The following GALNT6 variants were observed in gnomAD, a reference collection of about 807,000 sequenced individuals.
GALNT6 encodes GalNAc transferase 6.
A neutral mutation model predicts 65.9 loss-of-function variants in GALNT6; 51 were observed. That is an observed-to-expected ratio of 0.77 (90% CI 0.62 to 0.98). The LOEUF (loss-of-function observed/expected upper bound fraction) is 0.98, where lower values mean the gene tolerates loss of function less well. Ranked by LOEUF, GALNT6 falls within the 50% of genes least tolerant of loss-of-function variation. The probability of loss-of-function intolerance (pLI) is 0.00; values close to 1 mark genes in which losing one functional copy is unlikely to be tolerated. For synonymous variants in GALNT6, 323 were observed against 315.1 expected (o/e 1.02, Z -0.26); for missense variants, 708 against 803.3 (o/e 0.88, Z 1.43).
chr12:51,361,733 T>C (rs552309775), intron 6 of GALNT6, among the ~76,000 whole-genome samples: 1 of 152,202 alleles, frequency 6.6e-6, no homozygotes, highest in East Asian at 1.9e-4. Flanking sequence ...GATGGAATGC[T>C]GGGGTGGGGG....
chr12:51,372,125 A>G (rs1448949927), intron 4 of GALNT6, among the ~76,000 whole-genome samples: 2 of 152,200 alleles, frequency 1.3e-5, no homozygotes, highest in African/African-American at 4.8e-5. Flanking sequence ...GTGGTGCACT[A>G]TTCTAGGGAT....
chr12:51,377,378 G>A lies in GALNT6; in HGVS notation c.492-11C>T, dbSNP rs1456182148. ...TTCTGGTCCACACACCTGGAAGTAT[G>A]AAAGTACGGACAAAGTTCTCCTGGT... On this transcript the variant is annotated splice_polypyrimidine_tract_variant and intron_variant, in intron 3 of 11. Coordinates refer to ENST00000356317, the MANE Select transcript of GALNT6 (RefSeq NM_007210.4). 1.9e-6 allele frequency: 3 copies of A among 1,611,442 alleles called. No individual in the cohort carries two copies. The highest frequency in any genetic ancestry group is 2.7e-5 in the African/African-American group (2 of 74,856).
intron 4 of GALNT6, 99 bp from the exon 5 acceptor site, chr12:51,365,678 T>C: frequency 7.9e-7 from 1 of 1,261,470 alleles, no homozygotes; most frequent in Admixed American, 2.1e-5. Flanking sequence ...CTAGCAGGCC[T>C]GAATTTTAAA....
In GALNT6 at chr12:51,354,169, A is replaced by G. The variant is rs772848524; in HGVS notation, c.*210T>C. ...AGAACAGGAAAACGCTAGGCTAAAT[A>G]TATGTCCTAATGGTCTCTTCCATCG... On this transcript the variant is annotated 3_prime_UTR_variant, in exon 12 of 12. Transcript: ENST00000356317. 4 of 484,542 alleles carry G rather than the reference A, an allele frequency of 8.3e-6. No homozygotes were observed. Among genetic ancestry groups the G allele is most frequent in the East Asian group, 7.4e-5 (2 of 27,152 alleles). 30.0% of individuals were successfully genotyped at this position (484,542 alleles called of 1,614,324 possible).
chr12:51,380,772 CAG>C (rs2137761280), intron 2 of GALNT6, among the ~76,000 whole-genome samples: 1 of 152,170 alleles, frequency 6.6e-6, no homozygotes, highest in South Asian at 2.1e-4. Flanking sequence ...GCCTGGGCAA[CAG>C]AGCAAGACTC....
chr12:51,385,172 G>C lies in GALNT6; in HGVS notation c.-103-5288C>G, dbSNP rs77236704. The stretch of plus-strand genomic sequence containing the variant: ...ACCGGCTAATTTTTATTTTTTGGTA[G>C]AGATGGGGGTCTCACTATGCTGCCC... On this transcript the variant is annotated intron_variant, in intron 2 of 11. Transcript: ENST00000356317. 2.9e-3 allele frequency among the ~76,000 whole-genome samples: 435 copies of C among 152,184 alleles called. 3 individuals carry two copies. The highest frequency in any genetic ancestry group is 9.9e-3 in the African/African-American group (412 of 41,526).
At chr12:51,388,457 T>C (rs1036618612) in intron 2 of GALNT6, among the ~76,000 whole-genome samples, 2 of 152,204 alleles carry the variant, frequency 1.3e-5, no homozygotes, top group Admixed American at 1.3e-4. Context: ...CCTCAAAGCC[T>C]TTCCCTTATA....
chr12:51,375,055 T>C (rs1488073574), intron 4 of GALNT6, among the ~76,000 whole-genome samples: 1 of 152,078 alleles, frequency 6.6e-6, no homozygotes, highest in Non-Finnish European at 1.5e-5. Flanking sequence ...TTTTGTAATT[T>C]TTATAGAAAA....
chr12:51,357,269 C>T (rs1358668537), intron 10 of GALNT6, 80 bp downstream of exon 10: 10 of 907,650 alleles, frequency 1.1e-5, no homozygotes, highest in Non-Finnish European at 1.5e-5. Flanking sequence ...CCCTCCCAGT[C>T]CTCAGGAAAG....
At chr12:51,368,761 C>T (rs1947194140) in intron 4 of GALNT6, among the ~76,000 whole-genome samples, 1 of 151,934 alleles carries the variant, frequency 6.6e-6, no homozygotes, top group Non-Finnish European at 1.5e-5. Flanking sequence ...TATGACATGG[C>T]GCTCATTTAT....
chr12:51,365,725 G>T, intron 4 of GALNT6, 146 bp from the exon 5 acceptor site: 2 of 683,140 alleles, frequency 2.9e-6, no homozygotes, highest in Middle Eastern at 3.9e-4. Context: ...TTCCACAGAA[G>T]CCGGAGCTGG....
intron 4 of GALNT6, among the ~76,000 whole-genome samples, chr12:51,370,254 T>A (rs1231263650): frequency 6.6e-6 from 1 of 152,188 alleles, no homozygotes; most frequent in African/African-American, 2.4e-5. Context: ...CCTTAAAAAG[T>A]AAATTCTGGG....
At chr12:51,356,775 A>G (rs911774229) in intron 10 of GALNT6, among the ~76,000 whole-genome samples, 1 of 93,942 alleles carries the variant, frequency 1.1e-5, no homozygotes, top group African/African-American at 3.4e-5. Flanking sequence ...TTACTATTAA[A>G]ATAAAAAATG....
upstream of GALNT6, chr12:51,391,470 A>C (rs1948102345): frequency 1.3e-5 from 2 of 156,680 alleles, no homozygotes; most frequent in Non-Finnish European, 2.8e-5. Flanking sequence ...GGAAGAGGCG[A>C]AGGCTGGCGG....
chr12:51,369,637 T>G (rs1468345027), intron 4 of GALNT6, among the ~76,000 whole-genome samples: 1 of 152,222 alleles, frequency 6.6e-6, no homozygotes, highest in Non-Finnish European at 1.5e-5. Flanking sequence ...CATCTTCACT[T>G]GGATGTGGAA....
intron 7 of GALNT6, 34 bp from the exon 8 acceptor site, chr12:51,359,366 T>C (rs754875367): frequency 6.9e-7 from 1 of 1,457,132 alleles, no homozygotes. Context: ...AGGCCTTCAG[T>C]GGGCTAGGTG....
chr12:51,361,273 G>T (rs774170039), intron 6 of GALNT6, among the ~76,000 whole-genome samples: 5 of 152,228 alleles, frequency 3.3e-5, no homozygotes, highest in African/African-American at 4.8e-5. Context: ...GTGTGAAATT[G>T]TTTTTGAAAA....
chr12:51,390,275 G>A (rs1948014033), intron 2 of GALNT6, among the ~76,000 whole-genome samples: 1 of 146,224 alleles, frequency 6.8e-6, no homozygotes, highest in Non-Finnish European at 1.5e-5. Context: ...CAATTCTCCT[G>A]CCTCAGCCTC....
At chr12:51,379,968 C>G (rs1947609195) in intron 2 of GALNT6, 84 bp from the exon 3 acceptor site, 1 of 614,446 alleles carries the variant, frequency 1.6e-6, no homozygotes. Flanking sequence ...AGGCCAGGCT[C>G]TGTTGCTGAG....
Sources: allele counts gnomAD v4.1 joint callset (sites outside exome capture counted in the v4.1 genomes callset), GRCh38; gene constraint gnomAD v4.1.1; transcripts MANE v1.5; gene names NCBI Gene and HGNC (gene_info 2026-07-23, HGNC 2026-07-21).